The following PLPPR5 variants were observed in gnomAD, a reference collection of about 807,000 sequenced individuals.
PLPPR5 encodes the protein phospholipid phosphatase related 5, also known as phospholipid phosphatase-related protein type 5.
A neutral mutation model predicts 33.9 loss-of-function variants in PLPPR5; 16 were observed. That is an observed-to-expected ratio of 0.47 (90% CI 0.32 to 0.72). The LOEUF (loss-of-function observed/expected upper bound fraction) is 0.72. Among genes scored for constraint, PLPPR5 ranks in the 30% least tolerant of loss-of-function variants. The pLI is 0.03. For missense variants in PLPPR5, 301 were observed against 406.7 expected (o/e 0.74, Z 2.23); for synonymous variants, 163 against 150.3 (o/e 1.08, Z -0.62).
intron 5 of PLPPR5, among the ~76,000 whole-genome samples, chr1:98,893,965 T>A (rs1295726250): frequency 6.6e-6 from 1 of 152,070 alleles, no homozygotes; most frequent in African/African-American, 2.4e-5. Flanking sequence ...ATGTATGCCA[T>A]AAAATGTTCT....
intron 1 of PLPPR5, among the ~76,000 whole-genome samples, chr1:98,976,790 A>T (rs1040978648): frequency 6.6e-6 from 1 of 152,060 alleles, no homozygotes; most frequent in Non-Finnish European, 1.5e-5. Flanking sequence ...TAGTAAAATA[A>T]ATTATCAAAA....
intron 3 of PLPPR5, among the ~76,000 whole-genome samples, chr1:98,923,403 T>C (rs192100430): frequency 6.0e-4 from 91 of 152,348 alleles, no homozygotes; most frequent in Admixed American, 5.2e-3. Context: ...CCATTAACTA[T>C]TGTCCCTGGT....
intron 1 of PLPPR5, among the ~76,000 whole-genome samples, chr1:98,974,538 T>A (rs1472976810): frequency 1.3e-5 from 2 of 152,038 alleles, no homozygotes; most frequent in Non-Finnish European, 2.9e-5. Context: ...AGGTCCTTCA[T>A]CCTGTTTCAT....
intron 3 of PLPPR5, among the ~76,000 whole-genome samples, chr1:98,928,943 T>G (rs1170022506): frequency 6.6e-6 from 1 of 152,150 alleles, no homozygotes; most frequent in Non-Finnish European, 1.5e-5. Flanking sequence ...AGATTCTAAT[T>G]ATCATAATGG....
chr1:98,895,830 A>T (rs942630353), intron 5 of PLPPR5, among the ~76,000 whole-genome samples: 3 of 152,018 alleles, frequency 2.0e-5, no homozygotes, highest in Middle Eastern at 3.2e-3. Context: ...TAGTTAGCAG[A>T]CAGATAAACA....
At chr1:98,942,196 C>T (rs889224322) in intron 3 of PLPPR5, among the ~76,000 whole-genome samples, 2 of 152,098 alleles carry the variant, frequency 1.3e-5, no homozygotes, top group South Asian at 2.1e-4. Flanking sequence ...CTCAGCCTCC[C>T]GAATAGCTAG....
At chr1:98,903,491 A>G (rs115445369) in intron 5 of PLPPR5, among the ~76,000 whole-genome samples, 1 of 152,156 alleles carries the variant, frequency 6.6e-6, no homozygotes, top group Non-Finnish European at 1.5e-5. Context: ...AAACCACAGG[A>G]TTGTTTTGCT....
intron 3 of PLPPR5, among the ~76,000 whole-genome samples, chr1:98,924,361 C>T (rs1232311681): frequency 6.6e-6 from 1 of 152,136 alleles, no homozygotes; most frequent in Non-Finnish European, 1.5e-5. Flanking sequence ...AGGGAAGGCA[C>T]TTAGGTATCT....
intron 1 of PLPPR5, among the ~76,000 whole-genome samples, chr1:98,967,995 G>A (rs1488214196): frequency 2.6e-5 from 4 of 152,070 alleles, no homozygotes; most frequent in Non-Finnish European, 4.4e-5. Context: ...TACAGAAAAA[G>A]GAGATTCAGT....
chr1:98,897,712 CATCTGA>C (rs1197154159), intron 5 of PLPPR5, among the ~76,000 whole-genome samples: 1 of 152,110 alleles, frequency 6.6e-6, no homozygotes, highest in Non-Finnish European at 1.5e-5. Flanking sequence ...GCAGTCAAGT[CATCTGA>C]ATGTCAAGTG....
At position 98,956,654 on chromosome 1, in the gene PLPPR5, A is replaced by C; in HGVS notation, c.325T>G (p.Cys109Gly). Residue 109 changes from cysteine to glycine, a missense_variant, in exon 2 of 6, where the codon TGT (cysteine) becomes GGT (glycine). Cys to Gly is a radical substitution (Grantham distance 159). Transcript: ENST00000263177. ...CGCACCAGCGGGTTTATATAGCAAC[A>C]GTCTCCAGTTAAAATAGTTTTTTCC... ...NQEKTILTGDCCYINPLVRRT... is the reference protein window; with the variant it reads ...NQEKTILTGDGCYINPLVRRT... The C allele has an allele frequency of 6.2e-7, 1 of 1,603,424 alleles. No individual in the cohort carries two copies. Among genetic ancestry groups the C allele is most frequent in the South Asian group, 1.1e-5 (1 of 88,552 alleles).
At position 98,895,146 on chromosome 1, in the gene PLPPR5, G is replaced by A. The variant is rs190995291; in HGVS notation, c.934-2042C>T. Among the ~76,000 whole-genome samples, 76 of 152,138 alleles carry A rather than the reference G, an allele frequency of 5.0e-4. No homozygotes were observed. In the Middle Eastern group the frequency reaches 0.014, roughly 27 times the overall value. The stretch of plus-strand genomic sequence containing the variant: ...AATTTCTAAGGCAACAGTGTTGATA[G>A]GTGAGGCCTAATGGGAGGTGATTAG... On this transcript the variant is annotated intron_variant, in intron 5 of 5. Transcript: ENST00000263177.
In PLPPR5 at chr1:99,003,447, C is replaced by G. The variant is rs1276140991; in HGVS notation, c.237+988G>C. On this transcript the variant is annotated intron_variant, in intron 1 of 5. Transcript: ENST00000263177. ...GTTATCTGTTGAGGGAGAGAGAGAG[C>G]GCGCATCACAGGAAGGGAACCTCCA... Among the ~76,000 whole-genome samples the G allele has an allele frequency of 2.6e-5, 4 of 151,924 alleles. No homozygotes were observed. In the East Asian group the frequency reaches 5.8e-4, roughly 22 times the overall value.
chr1:98,975,416 G>A (rs1301763055), intron 1 of PLPPR5, among the ~76,000 whole-genome samples: 2 of 152,070 alleles, frequency 1.3e-5, no homozygotes, highest in Admixed American at 1.3e-4. Context: ...CATGTCCTTG[G>A]AGATGTACAG....
In PLPPR5 at chr1:98,890,624, C is replaced by A. The variant is rs1648239580; in HGVS notation, c.*2448G>T. ...TATCAGAAAGATATGTGTTTGCCTGCTTTTACTAGACTACATATGTACATA... is the reference window on the plus strand; with the variant it reads ...TATCAGAAAGATATGTGTTTGCCTGATTTTACTAGACTACATATGTACATA... On this transcript the variant is annotated 3_prime_UTR_variant, in exon 6 of 6. Coordinates refer to ENST00000263177, the MANE Select transcript of PLPPR5 (RefSeq NM_001037317.2). 1 of 152,536 alleles carries A rather than the reference C, an allele frequency of 6.6e-6. No homozygotes were observed. The highest frequency in any genetic ancestry group is 6.6e-5 in the Admixed American group (1 of 15,250). 9.4% of individuals were successfully genotyped at this position (152,536 alleles called of 1,614,324 possible). A position where few individuals can be genotyped will look rare whatever the true frequency, so the allele number is the denominator to read the frequency against.
chr1:98,938,657 A>C (rs1336332902), intron 3 of PLPPR5, among the ~76,000 whole-genome samples: 1 of 151,844 alleles, frequency 6.6e-6, no homozygotes, highest in African/African-American at 2.4e-5. Context: ...AACACATGGA[A>C]TCAACTATGG....
chr1:98,993,573 T>A (rs1374365878), intron 1 of PLPPR5, among the ~76,000 whole-genome samples: 3 of 152,074 alleles, frequency 2.0e-5, no homozygotes, highest in African/African-American at 7.2e-5. Context: ...GAGGACATTG[T>A]CACCAACCCA....
intron 1 of PLPPR5, among the ~76,000 whole-genome samples, chr1:98,968,936 T>G (rs1651549411): frequency 6.6e-6 from 1 of 152,070 alleles, no homozygotes; most frequent in Non-Finnish European, 1.5e-5. Context: ...ATTTGATTAT[T>G]TTGCTTCATT....
chr1:98,985,834 T>G (rs938001347), intron 1 of PLPPR5, among the ~76,000 whole-genome samples: 2 of 152,104 alleles, frequency 1.3e-5, no homozygotes, highest in Non-Finnish European at 2.9e-5. Context: ...TTTAGGTTTG[T>G]GTAAGTACAC....
Sources: allele counts gnomAD v4.1 joint callset (sites outside exome capture counted in the v4.1 genomes callset), GRCh38; gene constraint gnomAD v4.1.1; transcripts MANE v1.5; gene names NCBI Gene and HGNC (gene_info 2026-07-23, HGNC 2026-07-21).